MYO3A: variants seen among roughly 807,000 people sequenced by gnomAD.
The protein encoded by MYO3A is myosin-IIIa.
MYO3A carries 180 observed loss-of-function variants against 192.7 expected under a neutral mutation model. The ratio of observed to expected loss-of-function variants is 0.93; its 90% CI spans 0.83 to 1.06. The LOEUF is 1.06. Ranked by LOEUF, MYO3A falls within the 50% of genes least tolerant of loss-of-function variation. The pLI is 0.00. For missense variants in MYO3A, 1,896 were observed against 1,905.0 expected (o/e 1.00, Z 0.09); for synonymous variants, 628 against 645.3 (o/e 0.97, Z 0.41).
intron 10 of MYO3A, among the ~76,000 whole-genome samples, chr10:26,031,885 CA>C (rs2131154043): frequency 6.6e-6 from 1 of 152,270 alleles, no homozygotes; most frequent in African/African-American, 2.4e-5. Context: ...CTATGATTGT[CA>C]TTCCTCATAA....
At chr10:26,210,135 G>GAAGGAAGGAAGA (rs1331755439) in intron 34 of MYO3A, among the ~76,000 whole-genome samples, 923 of 72,558 alleles carry the variant, frequency 0.013, 13 homozygotes, top group African/African-American at 0.085. Flanking sequence ...GGGAGGGAGG[G>GAAGGAAGGAAGA]AAGGAAGGAA....
intron 4 of MYO3A, among the ~76,000 whole-genome samples, chr10:25,965,521 G>A (rs920767632): frequency 2.0e-5 from 3 of 152,070 alleles, no homozygotes; most frequent in Non-Finnish European, 4.4e-5. Context: ...CGTGATGCCA[G>A]CACTCCCTTG....
chr10:26,050,522 T>C (rs1262080716), intron 10 of MYO3A, among the ~76,000 whole-genome samples: 4 of 152,250 alleles, frequency 2.6e-5, no homozygotes, highest in Admixed American at 6.5e-5. Context: ...TGTGTTTCTT[T>C]GCTGTTTTTT....
At chr10:26,151,691 T>G (rs968288588) in intron 23 of MYO3A, among the ~76,000 whole-genome samples, 1 of 152,214 alleles carries the variant, frequency 6.6e-6, no homozygotes, top group Non-Finnish European at 1.5e-5. Flanking sequence ...TATGGTTGGA[T>G]TTGACTCTTA....
chr10:26,016,160 G>T (rs1841971570), intron 6 of MYO3A, among the ~76,000 whole-genome samples: 1 of 152,138 alleles, frequency 6.6e-6, no homozygotes, highest in African/African-American at 2.4e-5. Flanking sequence ...ATCTAACAAG[G>T]TGCAATTAAT....
At chr10:26,166,004 C>A in intron 26 of MYO3A, 63 bp from the exon 27 acceptor site, 1 of 1,349,844 alleles carries the variant, frequency 7.4e-7, no homozygotes, top group East Asian at 2.3e-5. Flanking sequence ...GTTGGGGAAC[C>A]ACCAAGCTAC....
intron 31 of MYO3A, among the ~76,000 whole-genome samples, chr10:26,181,787 AC>A (rs781589523): frequency 3.5e-4 from 53 of 151,186 alleles, no homozygotes; most frequent in South Asian, 1.9e-3. Context: ...AAAAAAAAAA[AC>A]CCCACTGAAT....
At chr10:26,033,523 T>C (rs1183026753) in intron 10 of MYO3A, among the ~76,000 whole-genome samples, 1 of 152,172 alleles carries the variant, frequency 6.6e-6, no homozygotes, top group East Asian at 1.9e-4. Flanking sequence ...TCAACACCAA[T>C]TGTGCTATAA....
intron 4 of MYO3A, among the ~76,000 whole-genome samples, chr10:25,964,821 A>G (rs1838161389): frequency 6.6e-6 from 1 of 152,178 alleles, no homozygotes; most frequent in African/African-American, 2.4e-5. Flanking sequence ...TTTGTCTGGC[A>G]AAGTCTCTAT....
chr10:25,990,051 C>T (rs1363139342), intron 4 of MYO3A, among the ~76,000 whole-genome samples: 1 of 152,182 alleles, frequency 6.6e-6, no homozygotes, highest in African/African-American at 2.4e-5. Context: ...ATATTTGCTG[C>T]TAATATCAGT....
intron 17 of MYO3A, among the ~76,000 whole-genome samples, chr10:26,099,266 C>T (rs1284980400): frequency 6.6e-6 from 1 of 152,134 alleles, no homozygotes; most frequent in Non-Finnish European, 1.5e-5. Flanking sequence ...ATTTTGTATC[C>T]TGAGACTTTG....
rs763253953 is a variant in MYO3A at position 25,954,900 on chromosome 10, A to C, written c.195A>C (p.Glu65Asp). The C allele has an allele frequency of 1.2e-5, 20 of 1,612,546 alleles. No homozygotes were observed. The highest frequency in any genetic ancestry group is 1.6e-5 in the Non-Finnish European group (19 of 1,178,878). Reference protein sequence around the residue: ...IHDIDEEIEAEYNILKALSDH... With the variant: ...IHDIDEEIEADYNILKALSDH... ...ATATTGACGAAGAGATTGAAGCAGA[A>C]TATAACATCTTAAAAGCACTTTCTG... Residue 65 changes from glutamate to aspartate, a missense_variant, in exon 4 of 35, where the codon GAA (glutamate) becomes GAC (aspartate). Coordinates refer to ENST00000642920, the MANE Select transcript of MYO3A (RefSeq NM_017433.5).
intron 17 of MYO3A, among the ~76,000 whole-genome samples, chr10:26,116,928 A>G (rs536869662): frequency 1.3e-5 from 2 of 152,270 alleles, no homozygotes; most frequent in Non-Finnish European, 2.9e-5. Flanking sequence ...TTTCCCCACA[A>G]TTGAGAACCA....
At chr10:26,002,029 A>G (rs1244266489) in intron 6 of MYO3A, among the ~76,000 whole-genome samples, 2 of 152,234 alleles carry the variant, frequency 1.3e-5, no homozygotes, top group African/African-American at 4.8e-5. Context: ...ACTTTTATCC[A>G]AGAGAGACTG....
At chr10:26,026,319 T>A in intron 9 of MYO3A, 58 bp from the exon 10 acceptor site, 1 of 1,586,024 alleles carries the variant, frequency 6.3e-7, no homozygotes, top group East Asian at 2.3e-5. Flanking sequence ...GGAATATGAA[T>A]AATAGTTTCA....
chr10:26,039,398 T>C (rs918616387), intron 10 of MYO3A, among the ~76,000 whole-genome samples: 7 of 151,898 alleles, frequency 4.6e-5, no homozygotes, highest in African/African-American at 1.7e-4. Flanking sequence ...CAAGATGCAT[T>C]TGTGATATTG....
intron 2 of MYO3A, among the ~76,000 whole-genome samples, chr10:25,944,161 G>GT (rs1037450376): frequency 2.6e-5 from 4 of 151,792 alleles, no homozygotes; most frequent in African/African-American, 9.7e-5. Flanking sequence ...ATGATCATGT[G>GT]TTTTTTCCCC....
chr10:26,124,427 T>C (rs1260160838), intron 18 of MYO3A, among the ~76,000 whole-genome samples: 1 of 152,134 alleles, frequency 6.6e-6, no homozygotes, highest in Admixed American at 6.6e-5. Flanking sequence ...TAAGATGTTA[T>C]ATGAGATAAA....
At chr10:26,171,972 A>G (rs561344958) in intron 29 of MYO3A, among the ~76,000 whole-genome samples, 1 of 152,346 alleles carries the variant, frequency 6.6e-6, no homozygotes, top group African/African-American at 2.4e-5. Context: ...ACTGCACACA[A>G]GATCCACTTC....
Sources: allele counts gnomAD v4.1 joint callset (sites outside exome capture counted in the v4.1 genomes callset), GRCh38; gene constraint gnomAD v4.1.1; transcripts MANE v1.5; gene names NCBI Gene and HGNC (gene_info 2026-07-23, HGNC 2026-07-21).